Variants in MME observed in about 807,000 individuals in gnomAD.
MME encodes membrane metalloendopeptidase.
A neutral mutation model predicts 113.2 loss-of-function variants in MME; 98 were observed. The observed-to-expected ratio is 0.87, with a 90% CI of 0.74 to 1.02. MME has a LOEUF of 1.02. Among genes scored for constraint, MME ranks in the 50% least tolerant of loss-of-function variants. MME has a pLI of 0.00. For missense variants in MME, 836 were observed against 896.0 expected (o/e 0.93, Z 0.86); for synonymous variants, 292 against 300.6 (o/e 0.97, Z 0.30).
In MME at chr3:155,142,237, A is replaced by T; in HGVS notation, c.1095A>T (p.Arg365Ser). ...LKPILTKYSA[R>S]DLQNLMSWRF... Reference sequence around the variant, plus strand: ...CTGGGCGGTGGTTTTTTTTATACAGAGATCTTCAAAATTTAATGTCCTGGA... The same window carrying T: ...CTGGGCGGTGGTTTTTTTTATACAGTGATCTTCAAAATTTAATGTCCTGGA... The change falls in exon 12 of 23, where the codon AGA becomes AGT. Residue 365 changes from arginine (R) to serine (S), a missense_variant and splice_region_variant. Arg to Ser is a moderately radical substitution (Grantham distance 110). Coordinates refer to ENST00000360490, the MANE Select transcript of MME (RefSeq NM_007289.4). The T allele has an allele frequency of 1.2e-5, 20 of 1,613,446 alleles. No individual in the cohort carries two copies. Among genetic ancestry groups the T allele is most frequent in the Non-Finnish European group, 1.7e-5 (20 of 1,179,558 alleles).
intron 2 of MME, 128 bp downstream of exon 2, chr3:155,084,455 T>C: frequency 3.2e-6 from 3 of 923,516 alleles, no homozygotes; most frequent in Non-Finnish European, 3.4e-6. Flanking sequence ...AGAGATTCAT[T>C]TATAAAATGT....
In MME at chr3:155,172,218, G is replaced by A. The variant is rs1015506561; in HGVS notation, c.2076+6G>A. On this transcript the variant is annotated splice_donor_region_variant and intron_variant, in intron 21 of 22. Transcript: ENST00000360490. ...TTTTCTTGAACTTTGCACAGGTATT[G>A]TGTCTTTCTTGATTGATAGATATGA... 4.4e-6 allele frequency: 7 copies of A among 1,576,170 alleles called. No individual in the cohort carries two copies. The highest frequency in any genetic ancestry group is 6.1e-6 in the Non-Finnish European group (7 of 1,146,132).
chr3:155,116,507 T>C lies in MME; in HGVS notation c.387T>C (p.Asp129=), dbSNP rs926079283. 1.9e-6 allele frequency: 3 copies of C among 1,612,480 alleles called. No individual in the cohort carries two copies. The highest frequency in any genetic ancestry group is 2.7e-5 in the African/African-American group (2 of 74,868). The change falls in exon 5 of 23, where the codon GAT becomes GAC. Residue 129 remains aspartate, a synonymous_variant. Transcript: ENST00000360490. ...KDVLQEPKTE[D]IVAVQKAKAL... ...TCCTTCAAGAACCCAAAACTGAAGA[T>C]ATAGTAGCAGTGCAGAAAGCAAAAG...
chr3:155,179,552 T>C (rs1712875993), intron 22 of MME, among the ~76,000 whole-genome samples: 1 of 152,158 alleles, frequency 6.6e-6, no homozygotes, highest in Non-Finnish European at 1.5e-5. Context: ...CCAGTCCACT[T>C]GTCTCTGGGC....
Position 155,167,032 on chromosome 3 carries a change from G to A in MME, c.1780+11G>A, listed in dbSNP as rs1559962257. 3 of 1,613,332 alleles carry A rather than the reference G, an allele frequency of 1.9e-6. No individual in the cohort carries two copies. Among genetic ancestry groups the A allele is most frequent in the Admixed American group, 3.3e-5 (2 of 59,954 alleles). ...GCTTCGATGACAATGGTAAAGTGCA[G>A]TTGACATTTTCCTTTGGCTGAGGTA... On this transcript the variant is annotated intron_variant, in intron 18 of 22. Transcript: ENST00000360490.
At position 155,099,925 on chromosome 3, in the gene MME, G is replaced by T. The variant is rs918844270; in HGVS notation, c.196+14831G>T. ...TTGGGTATATACCCAGTAATGGGATGGCTGGGTCAAATGGTATTTCTAGTT... is the reference window on the plus strand; with the variant it reads ...TTGGGTATATACCCAGTAATGGGATTGCTGGGTCAAATGGTATTTCTAGTT... On this transcript the variant is annotated intron_variant, in intron 3 of 22. Coordinates refer to ENST00000360490, the MANE Select transcript of MME (RefSeq NM_007289.4). 1.6e-4 allele frequency among the ~76,000 whole-genome samples: 24 copies of T among 152,148 alleles called. 1 individual carries two copies. Among genetic ancestry groups the T allele is most frequent in the Admixed American group, 1.6e-3 (24 of 15,268 alleles).
chr3:155,056,119 C>T lies in MME; in HGVS notation c.-10-28039C>T, dbSNP rs956382749. Among the ~76,000 whole-genome samples, 7 of 152,274 alleles carry T rather than the reference C, an allele frequency of 4.6e-5. No homozygotes were observed. The South Asian group carries it at 1.5e-3, about 32-fold the overall frequency. On this transcript the variant is annotated intron_variant, in intron 1 of 22. Coordinates refer to the MME transcript ENST00000492661. Reference sequence around the variant, plus strand: ...GAAATTGAATTCTACCTGCAGCACTCCAAATGCCTCTTCCCTCAGATAATG... The same window carrying T: ...GAAATTGAATTCTACCTGCAGCACTTCAAATGCCTCTTCCCTCAGATAATG...
chr3:155,132,837 TG>T (rs955969915), intron 8 of MME, among the ~76,000 whole-genome samples: 41 of 151,792 alleles, frequency 2.7e-4, no homozygotes, highest in African/African-American at 9.9e-4. Flanking sequence ...GTGGATCACC[TG>T]GGGTCAGGAG....
chr3:155,101,446 A>C (rs907060281), intron 3 of MME, among the ~76,000 whole-genome samples: 1 of 152,134 alleles, frequency 6.6e-6, no homozygotes, highest in Admixed American at 6.5e-5. Context: ...CACTGGGGCC[A>C]AGGTCAGTAG....
Position 155,147,110 on chromosome 3 carries a change from A to G in MME, c.1417-34A>G, listed in dbSNP as rs1559950078. The G allele has an allele frequency of 6.0e-6, 8 of 1,332,736 alleles. No individual in the cohort carries two copies. In the East Asian group the frequency reaches 1.6e-4, roughly 27 times the overall value. The allele number at this position is 1,332,736 out of a possible 1,614,324, so 82.6% of individuals were successfully genotyped here. On this transcript the variant is annotated intron_variant, in intron 14 of 22. Coordinates refer to ENST00000360490, the MANE Select transcript of MME (RefSeq NM_007289.4). ...TAAATTTGTATCTGAAAGTTATATAATCATCTTCACATTCAATATTATAAT... is the reference window on the plus strand; with the variant it reads ...TAAATTTGTATCTGAAAGTTATATAGTCATCTTCACATTCAATATTATAAT...
chr3:155,078,674 TG>T (rs1389647251), upstream of MME, among the ~76,000 whole-genome samples: 2 of 151,508 alleles, frequency 1.3e-5, no homozygotes, highest in African/African-American at 4.9e-5. Context: ...TGTGTGTGTG[TG>T]TGTGTGTGTG....
chr3:155,082,936 G>A (rs1258243916), intron 1 of MME, among the ~76,000 whole-genome samples: 1 of 152,142 alleles, frequency 6.6e-6, no homozygotes, highest in Non-Finnish European at 1.5e-5. Context: ...GCATTTCTGA[G>A]CCGCCACTTC....
At chr3:155,049,497 A>G (rs1266650653) in intron 1 of MME, among the ~76,000 whole-genome samples, 2 of 152,136 alleles carry the variant, frequency 1.3e-5, no homozygotes, top group Non-Finnish European at 2.9e-5. Flanking sequence ...TTTTTAAGCC[A>G]CTTTATAGAA....
At chr3:155,057,625 T>A (rs186303693) in intron 1 of MME, among the ~76,000 whole-genome samples, 1 of 152,066 alleles carries the variant, frequency 6.6e-6, no homozygotes, top group African/African-American at 2.4e-5. Flanking sequence ...GGGAGTGAGT[T>A]ACATTTTATA....
At chr3:155,169,858 T>C (rs1324873719) in intron 20 of MME, among the ~76,000 whole-genome samples, 1 of 151,824 alleles carries the variant, frequency 6.6e-6, no homozygotes, top group Non-Finnish European at 1.5e-5. Flanking sequence ...ACCAGAGAAG[T>C]GGAGAAAGAG....
At chr3:155,150,054 A>G (rs1464153963) in intron 16 of MME, among the ~76,000 whole-genome samples, 1 of 152,188 alleles carries the variant, frequency 6.6e-6, no homozygotes, top group African/African-American at 2.4e-5. Flanking sequence ...ATGATCTGAG[A>G]AATTTCTTAT....
rs542112839 is a variant in MME at position 155,114,766 on chromosome 3, G to A, written c.197-228G>A. Among the ~76,000 whole-genome samples the A allele has an allele frequency of 4.6e-5, 7 of 152,244 alleles. No individual in the cohort carries two copies. In the East Asian group the frequency reaches 1.4e-3, roughly 29 times the overall value. ...GGGTGGGAAGGCTGTGGGACCCAGG[G>A]TGGAAGGACCCACACAGTTCAAAAT... On this transcript the variant is annotated intron_variant, in intron 3 of 22. Transcript: ENST00000360490.
At chr3:155,093,121 T>C (rs1716433598) in intron 3 of MME, among the ~76,000 whole-genome samples, 1 of 151,994 alleles carries the variant, frequency 6.6e-6, no homozygotes, top group Non-Finnish European at 1.5e-5. Context: ...CATTTTTACA[T>C]AGTTATCTCA....
chr3:155,087,777 A>C (rs1715893531), intron 3 of MME, among the ~76,000 whole-genome samples: 1 of 152,082 alleles, frequency 6.6e-6, no homozygotes, highest in Admixed American at 6.5e-5. Flanking sequence ...GTGTATTTCT[A>C]TAAACGACAA....
Sources: allele counts gnomAD v4.1 joint callset (sites outside exome capture counted in the v4.1 genomes callset), GRCh38; gene constraint gnomAD v4.1.1; transcripts MANE v1.5; gene names NCBI Gene and HGNC (gene_info 2026-07-23, HGNC 2026-07-21).